Variants in RGL4 observed in about 807,000 individuals in gnomAD.
RGL4 encodes ral-GDS-related protein.
RGL4 carries 41 observed loss-of-function variants against 49.6 expected under a neutral mutation model. The ratio of observed to expected loss-of-function variants is 0.83; its 90% CI spans 0.64 to 1.07. The LOEUF is 1.07. RGL4 is among the 50% of genes least tolerant of loss of function. The probability of loss-of-function intolerance (pLI) is 0.00; values close to 1 mark genes in which losing one functional copy is unlikely to be tolerated. For missense variants in RGL4, 610 were observed against 591.9 expected (o/e 1.03, Z -0.32); for synonymous variants, 255 against 238.0 (o/e 1.07, Z -0.66).
chr22:23,697,694 C>T (rs1923597060), intron 8 of RGL4, 144 bp from the exon 9 acceptor site: 1 of 839,976 alleles, frequency 1.2e-6, no homozygotes, highest in Non-Finnish European at 2.0e-6. Context: ...TGCTCTAGAG[C>T]CCGGAGCCTG....
chr22:23,694,497 T>G, intron 5 of RGL4, 47 bp downstream of exon 5: 1 of 1,289,414 alleles, frequency 7.8e-7, no homozygotes, highest in Non-Finnish European at 1.1e-6. Context: ...ACCTAGGGAC[T>G]CACAGGTCTC....
In RGL4 at chr22:23,692,953, C is replaced by T. The variant is rs757806281; in HGVS notation, c.658C>T (p.Pro220Ser). 14 of 1,611,176 alleles carry T rather than the reference C, an allele frequency of 8.7e-6. No homozygotes were observed. The highest frequency in any genetic ancestry group is 1.7e-5 in the Admixed American group (1 of 59,926). The change falls in exon 3 of 11, where the codon CCC becomes TCC. Residue 220 changes from proline to serine, a missense_variant. Physicochemically the swap from Pro to Ser is moderately conservative, Grantham distance 74. Transcript: ENST00000290691. ...GCTGCCTGACATGACGACCTTCCCTCCCAGGCTGCTGGCAGAGCAGCTGAC... is the reference window on the plus strand; with the variant it reads ...GCTGCCTGACATGACGACCTTCCCTTCCAGGCTGCTGGCAGAGCAGCTGAC... ...EELPDMTTFP[P>S]RLLAEQLTLM... is the part of the protein sequence containing the mutation.
rs745706597 is a variant in RGL4 at position 23,696,619 on chromosome 22, G to A, written c.1092G>A (p.Gly364=). ...AVKRDLLIKA[G]SFKVATQERN... ...CTGTCGCTGACACCTGGCAGGCGGG[G>A]AGCTTTAAGGTGGCCACCCAGGAGA... The change falls in exon 7 of 11, where the codon GGG becomes GGA. Residue 364 remains glycine (G), a synonymous_variant. Coordinates refer to ENST00000290691, the MANE Select transcript of RGL4 (RefSeq NM_153615.2). 2 of 1,613,862 alleles carry A rather than the reference G, an allele frequency of 1.2e-6. No homozygotes were observed. Among genetic ancestry groups the A allele is most frequent in the Non-Finnish European group, 1.7e-6 (2 of 1,179,904 alleles).
chr22:23,694,378 T>G lies in RGL4; in HGVS notation c.944T>G (p.Val315Gly). ...ECLSLNNFSS[V>G]HVIVSALCSN... ...CTAAGCCTCAACAACTTCTCCTCGG[T>G]GCACGTCATCGTCTCTGCTCTGTGC... Residue 315 changes from valine (V) to glycine (G), a missense_variant, in exon 5 of 11, where the codon GTG becomes GGG. By Grantham distance (109) the Val-to-Gly change is moderately radical (BLOSUM62 -3). Coordinates refer to ENST00000290691, the MANE Select transcript of RGL4 (RefSeq NM_153615.2). 6.2e-7 allele frequency: 1 copy of G among 1,614,042 alleles called. No individual in the cohort carries two copies. Among genetic ancestry groups the G allele is most frequent in the Non-Finnish European group, 8.5e-7 (1 of 1,179,932 alleles).
intron 6 of RGL4, chr22:23,696,364 A>G (rs1250181710): frequency 1.4e-6 from 2 of 1,426,678 alleles, no homozygotes; most frequent in South Asian, 1.4e-5. Context: ...CAGCTACAGG[A>G]AACTGAGCCC....
intron 10 of RGL4, 145 bp from the exon 11 acceptor site, chr22:23,698,699 G>C: frequency 9.2e-7 from 1 of 1,088,522 alleles, no homozygotes; most frequent in Non-Finnish European, 1.3e-6. Context: ...CAGCTGCAGA[G>C]AGCCTATGGC....
chr22:23,697,946 T>C (rs757593064), intron 9 of RGL4, 85 bp downstream of exon 9: 6 of 1,476,152 alleles, frequency 4.1e-6, no homozygotes, highest in Admixed American at 3.9e-5. Context: ...CCTGGCTCCA[T>C]CCTCTACATC....
At position 23,696,642 on chromosome 22, in the gene RGL4, A is replaced by T; in HGVS notation, c.1115A>T (p.Glu372Val). Residue 372 changes from glutamate (E) to valine (V), a missense_variant, in exon 7 of 11, where the codon GAG becomes GTG. Glu to Val is a moderately radical substitution (Grantham distance 121, BLOSUM62 -2). Transcript: ENST00000290691. Reference sequence around the variant, plus strand: ...GGGAGCTTTAAGGTGGCCACCCAGGAGAGGAACCCCCAGAGAGTCCAGATG... The same window carrying T: ...GGGAGCTTTAAGGTGGCCACCCAGGTGAGGAACCCCCAGAGAGTCCAGATG... Reference protein sequence around the residue: ...KAGSFKVATQERNPQRVQMRL... With the variant: ...KAGSFKVATQVRNPQRVQMRL... The T allele has an allele frequency of 6.2e-7, 1 of 1,613,776 alleles. No homozygotes were observed. Among genetic ancestry groups the T allele is most frequent in the Non-Finnish European group, 8.5e-7 (1 of 1,179,896 alleles).
chr22:23,694,845 C>T (rs1923378533), intron 5 of RGL4, 105 bp from the exon 6 acceptor site: 1 of 895,886 alleles, frequency 1.1e-6, no homozygotes, highest in Non-Finnish European at 1.8e-6. Context: ...TGAAAACTCT[C>T]ACCCAGTAAG....
At position 23,693,895 on chromosome 22, in the gene RGL4, C is replaced by T; in HGVS notation, c.833C>T (p.Thr278Ile). Reference sequence around the variant, plus strand: ...TTCAACAGGCTCACCAACTGCATCACCACCTCCTGCCTCGGGGACCACAGC... The same window carrying T: ...TTCAACAGGCTCACCAACTGCATCATCACCTCCTGCCTCGGGGACCACAGC... ...AHFNRLTNCITTSCLGDHSMR... is the reference protein window; with the variant it reads ...AHFNRLTNCIITSCLGDHSMR... Residue 278 changes from threonine (T) to isoleucine (I), a missense_variant, in exon 4 of 11, where the codon ACC (threonine) becomes ATC (isoleucine). By Grantham distance (89) the Thr-to-Ile change is moderately conservative. Transcript: ENST00000290691. The T allele has an allele frequency of 3.7e-6, 6 of 1,613,960 alleles. No individual in the cohort carries two copies. The highest frequency in any genetic ancestry group is 4.5e-5 in the East Asian group (2 of 44,880).
chr22:23,695,082 G>A (rs1023291989), intron 6 of RGL4, 63 bp downstream of exon 6: 1 of 1,235,308 alleles, frequency 8.1e-7, no homozygotes, highest in Non-Finnish European at 1.2e-6. Flanking sequence ...AGTGAGTTTG[G>A]AAGGGCATTG....
rs768134410 is a variant in RGL4, at chr22:23,698,333, G to C, written c.1382G>C (p.Ser461Thr). Residue 461 changes from serine (S) to threonine (T), a missense_variant and splice_region_variant, in exon 10 of 11, where the codon AGC becomes ACC. Physicochemically the swap from Ser to Thr is moderately conservative, Grantham distance 58 (BLOSUM62 1). Transcript: ENST00000290691. ...TRMEQLSDKESYKLSCQLEPE... is the reference protein window; with the variant it reads ...TRMEQLSDKETYKLSCQLEPE... Reference sequence around the variant, plus strand: ...ATGGAGCAGCTCAGTGACAAAGAGAGGTGAGGGCCTAGCCCATGGGCTGAG... The same window carrying C: ...ATGGAGCAGCTCAGTGACAAAGAGACGTGAGGGCCTAGCCCATGGGCTGAG... 3.1e-6 allele frequency: 5 copies of C among 1,601,310 alleles called. No individual in the cohort carries two copies. Among genetic ancestry groups the C allele is most frequent in the Non-Finnish European group, 4.3e-6 (5 of 1,169,392 alleles).
At chr22:23,695,173 C>G (rs1019483816) in intron 6 of RGL4, 154 bp downstream of exon 6, 1 of 583,040 alleles carries the variant, frequency 1.7e-6, no homozygotes, top group Admixed American at 2.5e-5. Flanking sequence ...CCATGCCTAC[C>G]TTGGGCCAAC....
chr22:23,696,534 G>A, intron 6 of RGL4, 80 bp from the exon 7 acceptor site: 1 of 1,605,954 alleles, frequency 6.2e-7, no homozygotes, highest in Non-Finnish European at 8.5e-7. Flanking sequence ...CACTCCCTGG[G>A]GATCCAAGTG....
rs1219186840 is a variant in RGL4, at chr22:23,694,690, T to G, written c.1016+240T>G. ...AGCCAACTGGAGGCTTTCAGGTGTTTGTACCCAGCAGTGGAACTCTGTGTC... is the reference window on the plus strand; with the variant it reads ...AGCCAACTGGAGGCTTTCAGGTGTTGGTACCCAGCAGTGGAACTCTGTGTC... On this transcript the variant is annotated intron_variant, in intron 5 of 10. Coordinates refer to ENST00000290691, the MANE Select transcript of RGL4 (RefSeq NM_153615.2). 8.4e-6 allele frequency: 5 copies of G among 594,984 alleles called. No homozygotes were observed. In the African/African-American group the frequency reaches 9.3e-5, roughly 11 times the overall value. The allele number at this position is 594,984 out of a possible 1,614,324, so 36.9% of individuals were successfully genotyped here. A position where few individuals can be genotyped will look rare whatever the true frequency, so the allele number is the denominator to read the frequency against.
chr22:23,697,119 C>T, intron 7 of RGL4, 52 bp from the exon 8 acceptor site: 3 of 1,393,484 alleles, frequency 2.2e-6, no homozygotes, highest in Non-Finnish European at 1.0e-6. Context: ...CACCTGAGGG[C>T]CAATACTCAT....
chr22:23,692,090 T>C lies in RGL4; in HGVS notation c.60T>C (p.Ser20=), dbSNP rs1249345592. ...CAGTCTTGAGTGCCCAGGTGTACAG[T>C]GCTGTGCTCCAGGGCCTTTGGGAAG... The part of the protein sequence containing the change: ...AAAVLSAQVY[S]AVLQGLWEEN... Residue 20 remains serine (S), a synonymous_variant, in exon 1 of 11, where the codon AGT becomes AGC. Coordinates refer to ENST00000290691, the MANE Select transcript of RGL4 (RefSeq NM_153615.2). The C allele has an allele frequency of 6.2e-7, 1 of 1,613,940 alleles. No individual in the cohort carries two copies. The highest frequency in any genetic ancestry group is 8.5e-7 in the Non-Finnish European group (1 of 1,179,954).
intron 3 of RGL4, among the ~76,000 whole-genome samples, 180 bp from the exon 4 acceptor site, chr22:23,693,579 G>C (rs1923282961): frequency 6.6e-6 from 1 of 152,058 alleles, no homozygotes; most frequent in African/African-American, 2.4e-5. Context: ...GGTCCCTCGG[G>C]GGCAGAAAAC....
intron 6 of RGL4, among the ~76,000 whole-genome samples, chr22:23,695,706 G>A (rs1041328365): frequency 1.3e-5 from 2 of 152,194 alleles, no homozygotes; most frequent in African/African-American, 2.4e-5. Flanking sequence ...AGCGACGCAT[G>A]CTCATGACAA....
Sources: allele counts gnomAD v4.1 joint callset (sites outside exome capture counted in the v4.1 genomes callset), GRCh38; gene constraint gnomAD v4.1.1; transcripts MANE v1.5; gene names NCBI Gene and HGNC (gene_info 2026-07-23, HGNC 2026-07-21).